NRAP: variants seen among roughly 807,000 people sequenced by gnomAD.
NRAP encodes nebulin-related-anchoring protein.
Under a neutral mutation model 225.9 loss-of-function variants are expected in NRAP, and 189 were observed. The observed-to-expected ratio is 0.84, with a 90% confidence interval of 0.74 to 0.94. NRAP has a LOEUF of 0.94. Among genes scored for constraint, NRAP ranks in the 40% least tolerant of loss-of-function variants. NRAP has a pLI of 0.00. For synonymous variants in NRAP, 769 were observed against 790.7 expected, an observed-to-expected ratio of 0.97 and a Z score of 0.46; for missense variants, 2,176 against 2,168.7, an observed-to-expected ratio of 1.00 and a Z score of -0.07.
intron 33 of NRAP, 101 bp from the exon 34 acceptor site, chr10:113,605,970 C>T: frequency 1.1e-6 from 1 of 936,218 alleles, no homozygotes; most frequent in African/African-American, 1.6e-5. Context: ...GAATCAATTT[C>T]TGTTTTGTGC....
In NRAP at chr10:113,648,463, C is replaced by A. The variant is rs372017104; in HGVS notation, c.889-1436G>T. Among the ~76,000 whole-genome samples, 616 of 119,744 alleles carry A rather than the reference C, an allele frequency of 5.1e-3. 5 individuals are homozygous for A. Among genetic ancestry groups the A allele is most frequent in the African/African-American group, 0.018 (569 of 31,082 alleles). The allele number at this position is 119,744 out of a possible 152,430, so 78.6% of individuals were successfully genotyped here. A position where few individuals can be genotyped will look rare whatever the true frequency, so the allele number is the denominator to read the frequency against. ...TCTCTCTCTCTCTCTCTCTCTCTCTCTCTCTATATATATATATATATATAT... is the reference window on the plus strand; with the variant it reads ...TCTCTCTCTCTCTCTCTCTCTCTCTATCTCTATATATATATATATATATAT... On this transcript the variant is annotated intron_variant, in intron 9 of 41. Coordinates refer to ENST00000359988, the MANE Select transcript of NRAP (RefSeq NM_198060.4).
chr10:113,619,021 T>TG (rs946792116), intron 25 of NRAP, among the ~76,000 whole-genome samples: 20 of 152,088 alleles, frequency 1.3e-4, no homozygotes, highest in African/African-American at 4.6e-4. Context: ...TAAAATGAGA[T>TG]GGGGGGGAAA....
rs139703946 is a variant in NRAP at position 113,650,136 on chromosome 10, C to A, written c.789G>T (p.Arg263Ser). Residue 263 changes from arginine to serine, a missense_variant, in exon 9 of 42, where the codon AGG (arginine) becomes AGT (serine). Arg to Ser is a moderately radical substitution (Grantham distance 110). This residue lies in a region of NRAP where 1,708 missense variants were observed against 1,695.5 expected (regional missense o/e 1.01). Coordinates refer to ENST00000359988, the MANE Select transcript of NRAP (RefSeq NM_198060.4). ...TTTCTTTTTGATATTGTTGATGGTA[C>A]CTCACCTGTTTTAAGGCAAAGGACA... ...KRANELASDV[R>S]YHQQYQKEMR... The A allele has an allele frequency of 2.5e-6, 4 of 1,604,418 alleles. No individual in the cohort carries two copies. The highest frequency in any genetic ancestry group is 1.3e-5 in the African/African-American group (1 of 74,752).
chr10:113,629,451 GC>G (rs1848461375), intron 19 of NRAP, 136 bp downstream of exon 19: 4 of 651,774 alleles, frequency 6.1e-6, no homozygotes. Context: ...GCCCTTTCTG[GC>G]CCCCTGGTAC....
At chr10:113,647,075 A>G (rs1849560766) in intron 9 of NRAP, 48 bp from the exon 10 acceptor site, 1 of 1,199,940 alleles carries the variant, frequency 8.3e-7, no homozygotes, top group Non-Finnish European at 1.2e-6. Context: ...CCCTCCCCAG[A>G]TGGGTGGGGT....
intron 38 of NRAP, among the ~76,000 whole-genome samples, chr10:113,594,826 T>G (rs942773484): frequency 6.6e-5 from 10 of 152,220 alleles, no homozygotes; most frequent in Admixed American, 3.3e-4. Flanking sequence ...TAGCAGCTGT[T>G]GATCTGCACG....
chr10:113,628,469 A>G (rs781656426), intron 20 of NRAP, among the ~76,000 whole-genome samples: 9 of 152,116 alleles, frequency 5.9e-5, no homozygotes, highest in Non-Finnish European at 1.0e-4. Context: ...ATTACAGGCC[A>G]ACCTCTTCAT....
At chr10:113,627,849 A>T (rs1162574861) in intron 20 of NRAP, among the ~76,000 whole-genome samples, 1 of 152,262 alleles carries the variant, frequency 6.6e-6, no homozygotes, top group Non-Finnish European at 1.5e-5. Flanking sequence ...ATCTAATCAC[A>T]GAAGACTGTG....
rs1252585749 is a variant in NRAP, at chr10:113,620,611, A to C, written c.2867T>G (p.Ile956Ser). The part of the protein sequence containing the change: ...VEQAKKAGEL[I>S]SEKKYRQHPD... ...GCTGTCAGGAAATCTCACCTCGCTA[A>C]TGAGTTCTCCTGCCTTCTTCGCCTG... The change falls in exon 25 of 42, where the codon ATT becomes AGT. Residue 956 changes from isoleucine to serine, a missense_variant. Physicochemically the swap from Ile to Ser is moderately radical, Grantham distance 142. This residue lies in a region of NRAP where 1,708 missense variants were observed against 1,695.5 expected (regional missense o/e 1.01). Coordinates refer to ENST00000359988, the MANE Select transcript of NRAP (RefSeq NM_198060.4). The C allele has an allele frequency of 2.5e-6, 4 of 1,607,314 alleles. No homozygotes were observed. Among genetic ancestry groups the C allele is most frequent in the Non-Finnish European group, 3.4e-6 (4 of 1,173,960 alleles).
Position 113,605,767 on chromosome 10 carries a change from T to C in NRAP, c.3910A>G (p.Ser1304Gly). 1 of 1,604,082 alleles carries C rather than the reference T, an allele frequency of 6.2e-7. No individual in the cohort carries two copies. The highest frequency in any genetic ancestry group is 8.5e-7 in the Non-Finnish European group (1 of 1,170,928). Residue 1304 changes from serine (S) to glycine (G), a missense_variant, in exon 34 of 42, where the codon AGT (serine) becomes GGT (glycine). This residue lies in a region of NRAP where 1,708 missense variants were observed against 1,695.5 expected (regional missense o/e 1.01). Transcript: ENST00000359988. ...GGTCATATCATTCAACTCACATCAC[T>C]GGCTATATCTCCAGAGGCCCGGGCA... ...QAARASGDIA[S>G]DFLYRHDFVK...
intron 9 of NRAP, among the ~76,000 whole-genome samples, chr10:113,648,212 T>C (rs1191217912): frequency 6.6e-6 from 1 of 152,146 alleles, no homozygotes; most frequent in Non-Finnish European, 1.5e-5. Flanking sequence ...TTTTCTAAAA[T>C]AAAATAGTTG....
chr10:113,658,619 G>C (rs1035538399), intron 3 of NRAP, among the ~76,000 whole-genome samples: 1 of 152,078 alleles, frequency 6.6e-6, no homozygotes, highest in East Asian at 1.9e-4. Context: ...AGTACCTCAC[G>C]CCTGCACTCC....
At chr10:113,657,125 C>T (rs985880671) in intron 4 of NRAP, among the ~76,000 whole-genome samples, 6 of 151,762 alleles carry the variant, frequency 4.0e-5, no homozygotes, top group Non-Finnish European at 8.8e-5. Flanking sequence ...TGGGAGGCCT[C>T]GTAAAGGTCC....
At chr10:113,641,671 G>A (rs1007057496) in intron 12 of NRAP, among the ~76,000 whole-genome samples, 199 bp from the exon 13 acceptor site, 2 of 152,194 alleles carry the variant, frequency 1.3e-5, no homozygotes, top group Non-Finnish European at 2.9e-5. Context: ...AGAAGTTGGA[G>A]TAAGACAGGA....
chr10:113,645,497 G>A lies in NRAP; in HGVS notation c.1110+328C>T, dbSNP rs144882490. On this transcript the variant is annotated intron_variant, in intron 11 of 41. Coordinates refer to ENST00000359988, the MANE Select transcript of NRAP (RefSeq NM_198060.4). ...CAATAGCACTATCTCGGCTCACCGCGACCTCCGCCTCCCGAGTTCAAGCAA... is the reference window on the plus strand; with the variant it reads ...CAATAGCACTATCTCGGCTCACCGCAACCTCCGCCTCCCGAGTTCAAGCAA... Among the ~76,000 whole-genome samples the A allele has an allele frequency of 3.3e-3, 507 of 152,140 alleles. 3 individuals are homozygous for A. The highest frequency in any genetic ancestry group is 0.011 in the African/African-American group (436 of 41,506).
chr10:113,612,611 A>G (rs572214389), intron 29 of NRAP, among the ~76,000 whole-genome samples, 180 bp from the exon 30 acceptor site: 311 of 152,226 alleles, frequency 2.0e-3, no homozygotes, highest in Non-Finnish European at 3.2e-3. Flanking sequence ...CTAGGCCCTG[A>G]CACTTACCAC....
chr10:113,638,245 T>C (rs532212341), intron 14 of NRAP, among the ~76,000 whole-genome samples: 11 of 152,330 alleles, frequency 7.2e-5, no homozygotes, highest in African/African-American at 2.6e-4. Context: ...CTTTACTCTG[T>C]GGGACATAAT....
chr10:113,590,698 G>T lies in NRAP; in HGVS notation c.4836C>A (p.Ala1612=), dbSNP rs201627820. The change falls in exon 40 of 42, where the codon GCC becomes GCA. Residue 1612 remains alanine, a synonymous_variant. Coordinates refer to ENST00000359988, the MANE Select transcript of NRAP (RefSeq NM_198060.4). ...SSTDQPGLLQ[A]KRSQQLASDV... ...CACTGGCCAGCTGCTGGCTCCTCTTGGCCTGAAGGAGGCCGGGCTGGTCTG... is the reference window on the plus strand; with the variant it reads ...CACTGGCCAGCTGCTGGCTCCTCTTTGCCTGAAGGAGGCCGGGCTGGTCTG... 6.2e-7 allele frequency: 1 copy of T among 1,614,166 alleles called. No individual in the cohort carries two copies. Among genetic ancestry groups the T allele is most frequent in the Admixed American group, 1.7e-5 (1 of 60,028 alleles).
At chr10:113,591,319 C>G (rs1037774900) in intron 39 of NRAP, among the ~76,000 whole-genome samples, 1 of 152,330 alleles carries the variant, frequency 6.6e-6, no homozygotes. Flanking sequence ...CTCCTCAAAC[C>G]ATCTACAGTG....
Sources: gnomAD v4.1 joint callset for allele counts (sites outside exome capture counted in the v4.1 genomes callset) on GRCh38, gnomAD v4.1.1 for gene constraint, gnomAD v4.1.1 regional missense constraint, MANE v1.5 for transcripts, NCBI Gene and HGNC (gene_info 2026-07-23, HGNC 2026-07-21) for gene names.